Variants in SORCS2 observed in about 807,000 individuals in gnomAD.
The protein encoded by SORCS2 is sortilin related VPS10 domain containing receptor 2.
A neutral mutation model predicts 141.6 loss-of-function variants in SORCS2; 100 were observed. The ratio of observed to expected loss-of-function variants is 0.71; its 90% confidence interval spans 0.60 to 0.83. SORCS2 has a LOEUF of 0.83. Ranked by LOEUF, SORCS2 falls within the 40% of genes least tolerant of loss-of-function variation. SORCS2 has a pLI of 0.00. For synonymous variants in SORCS2, 789 were observed against 676.9 expected (o/e 1.17, Z -2.57); for missense variants, 1,646 against 1,560.2 (o/e 1.05, Z -0.93).
intron 2 of SORCS2, among the ~76,000 whole-genome samples, chr4:7,401,002 G>A (rs1577503270): frequency 6.6e-6 from 1 of 152,176 alleles, no homozygotes; most frequent in East Asian, 1.9e-4. Flanking sequence ...TGGATTGATA[G>A]GTGGATAGAT....
At chr4:7,336,195 C>T (rs551979202) in intron 1 of SORCS2, among the ~76,000 whole-genome samples, 7 of 152,178 alleles carry the variant, frequency 4.6e-5, no homozygotes, top group African/African-American at 1.4e-4. Context: ...GCGTCCTGGT[C>T]GATTGCTCGT....
At chr4:7,542,602 T>C (rs972313530) in intron 3 of SORCS2, among the ~76,000 whole-genome samples, 2 of 152,178 alleles carry the variant, frequency 1.3e-5, no homozygotes, top group South Asian at 2.1e-4. Flanking sequence ...GGAAGCATTG[T>C]TGACACCTTC....
intron 4 of SORCS2, among the ~76,000 whole-genome samples, chr4:7,640,688 G>A (rs1006992614): frequency 1.3e-5 from 2 of 151,954 alleles, no homozygotes; most frequent in African/African-American, 4.8e-5. Flanking sequence ...GATGGTCCCA[G>A]GTTCTAAGGA....
In SORCS2 at chr4:7,395,667, C is replaced by T. The variant is rs1315994734; in HGVS notation, c.481-621C>T. 4.6e-5 allele frequency among the ~76,000 whole-genome samples: 7 copies of T among 152,206 alleles called. No individual in the cohort carries two copies. The South Asian group carries it at 1.0e-3, about 23-fold the overall frequency. On this transcript the variant is annotated intron_variant, in intron 1 of 26. Coordinates refer to ENST00000507866, the MANE Select transcript of SORCS2 (RefSeq NM_020777.3). ...GCAAACAGCGTGGTCAGGTGGGCCC[C>T]GTGTGTGATGAATGAATGAATGAAT...
chr4:7,643,885 C>T (rs571368279), intron 4 of SORCS2, among the ~76,000 whole-genome samples: 7 of 152,236 alleles, frequency 4.6e-5, no homozygotes, highest in East Asian at 3.9e-4. Flanking sequence ...GTTGATGGCT[C>T]GCTCTGACCT....
At chr4:7,261,419 C>G (rs1009390749) in intron 1 of SORCS2, among the ~76,000 whole-genome samples, 3 of 152,186 alleles carry the variant, frequency 2.0e-5, no homozygotes, top group Non-Finnish European at 4.4e-5. Context: ...GTCTGCCATG[C>G]CTGCGTGGCC....
At chr4:7,271,597 A>G (rs1401442014) in intron 1 of SORCS2, among the ~76,000 whole-genome samples, 1 of 152,168 alleles carries the variant, frequency 6.6e-6, no homozygotes, top group Non-Finnish European at 1.5e-5. Flanking sequence ...GACACGTGTT[A>G]TCTAAAATGC....
chr4:7,644,272 A>T (rs973341736), intron 4 of SORCS2, among the ~76,000 whole-genome samples: 1 of 152,138 alleles, frequency 6.6e-6, no homozygotes, highest in Non-Finnish European at 1.5e-5. Flanking sequence ...TGATGTTGCC[A>T]TTGCTGCAGC....
chr4:7,607,689 C>T (rs189026857), intron 3 of SORCS2, among the ~76,000 whole-genome samples: 67 of 152,298 alleles, frequency 4.4e-4, no homozygotes, highest in African/African-American at 1.5e-3. Flanking sequence ...TTCTGGCTCT[C>T]TTCCCTGGGC....
intron 1 of SORCS2, among the ~76,000 whole-genome samples, chr4:7,392,290 G>A (rs1387930558): frequency 1.3e-5 from 2 of 151,396 alleles, no homozygotes; most frequent in Admixed American, 6.6e-5. Flanking sequence ...CCAGGACAGG[G>A]CATGTTCCCC....
chr4:7,358,425 G>C (rs1560216367), intron 1 of SORCS2, among the ~76,000 whole-genome samples: 1 of 152,234 alleles, frequency 6.6e-6, no homozygotes, highest in Admixed American at 6.5e-5. Flanking sequence ...TGGCATTCTT[G>C]TTATGATGAT....
chr4:7,464,458 G>T (rs1729491647), intron 2 of SORCS2, among the ~76,000 whole-genome samples: 1 of 152,134 alleles, frequency 6.6e-6, no homozygotes, highest in Non-Finnish European at 1.5e-5. Flanking sequence ...TGGGAGCGGT[G>T]GTTGGCAGAT....
At chr4:7,254,521 G>A (rs1019156066) in intron 1 of SORCS2, among the ~76,000 whole-genome samples, 1 of 152,156 alleles carries the variant, frequency 6.6e-6, no homozygotes, top group Non-Finnish European at 1.5e-5. Flanking sequence ...GACTCGGATG[G>A]GTGGCAGGAG....
intron 3 of SORCS2, among the ~76,000 whole-genome samples, chr4:7,545,486 C>T (rs921791296): frequency 6.6e-6 from 1 of 152,156 alleles, no homozygotes; most frequent in Non-Finnish European, 1.5e-5. Context: ...CTAAGAGAGA[C>T]AGGGACCTGC....
intron 2 of SORCS2, among the ~76,000 whole-genome samples, chr4:7,502,311 C>A (rs77143236): frequency 6.6e-6 from 1 of 152,242 alleles, no homozygotes; most frequent in Non-Finnish European, 1.5e-5. Flanking sequence ...CTGAGGATGA[C>A]ATCTCCCTGG....
intron 4 of SORCS2, among the ~76,000 whole-genome samples, chr4:7,646,108 C>T (rs974407383): frequency 6.6e-6 from 1 of 152,256 alleles, no homozygotes; most frequent in Non-Finnish European, 1.5e-5. Context: ...CGCAGGTGAG[C>T]GAGGCAGGTG....
intron 1 of SORCS2, among the ~76,000 whole-genome samples, chr4:7,370,311 C>G (rs1405567176): frequency 3.9e-5 from 6 of 152,160 alleles, no homozygotes; most frequent in African/African-American, 1.4e-4. Context: ...TTGTCTGAGC[C>G]CGGACGGGGG....
chr4:7,666,981 T>G, intron 7 of SORCS2, 143 bp from the exon 8 acceptor site: 4 of 712,190 alleles, frequency 5.6e-6, no homozygotes, highest in East Asian at 5.1e-5. Context: ...TGAATAGGAG[T>G]CTGTTCATTT....
At chr4:7,491,296 A>G (rs1031267781) in intron 2 of SORCS2, among the ~76,000 whole-genome samples, 1 of 152,172 alleles carries the variant, frequency 6.6e-6, no homozygotes, top group African/African-American at 2.4e-5. Flanking sequence ...ATCCTCCAGG[A>G]AGCCAGTTGT....
Sources: allele counts gnomAD v4.1 joint callset (sites outside exome capture counted in the v4.1 genomes callset), GRCh38; gene constraint gnomAD v4.1.1; transcripts MANE v1.5; gene names NCBI Gene and HGNC (gene_info 2026-07-23, HGNC 2026-07-21).